Variants in RBFOX1 observed in about 807,000 individuals in gnomAD.
RBFOX1 encodes RNA binding fox-1 homolog 1.
RBFOX1 carries 8 observed loss-of-function variants against 57.7 expected under a neutral mutation model. That is an observed-to-expected ratio of 0.14 (90% CI 0.08 to 0.25). The LOEUF is 0.25. Among genes scored for constraint, RBFOX1 ranks in the 10% least tolerant of loss-of-function variants. RBFOX1 has a pLI of 1.00. For missense variants in RBFOX1, 611 were observed against 548.5 expected (o/e 1.11, Z -1.14); for synonymous variants, 326 against 222.4 (o/e 1.47, Z -4.15).
chr16:7,444,001 A>G (rs1444696022), intron 4 of RBFOX1, among the ~76,000 whole-genome samples: 2 of 152,200 alleles, frequency 1.3e-5, no homozygotes, highest in Non-Finnish European at 2.9e-5. Flanking sequence ...CACTTTGCCT[A>G]TGAAGAAATA....
chr16:5,873,444 C>T (rs1172285342), intron 4 of RBFOX1, among the ~76,000 whole-genome samples: 2 of 152,178 alleles, frequency 1.3e-5, no homozygotes, highest in Admixed American at 6.5e-5. Flanking sequence ...TAGTCATCTC[C>T]GTCCTTGAAG....
Position 7,664,941 on chromosome 16 carries a change from G to A in RBFOX1, c.903G>A (p.Gln301=). ...TGCACCCTTGCAGTGTTGTTTACCA[G>A]GATGGATTTTATGGTGCAGACATTT... ...PIPAYGGVVY[Q]DGFYGADIYG... Residue 301 remains glutamine (Q), a synonymous_variant, in exon 13 of 16, where the codon CAG becomes CAA. Transcript: ENST00000550418. The A allele has an allele frequency of 6.2e-7, 1 of 1,613,940 alleles. No individual in the cohort carries two copies. The highest frequency in any genetic ancestry group is 1.3e-5 in the African/African-American group (1 of 75,032).
intron 4 of RBFOX1, among the ~76,000 whole-genome samples, chr16:5,874,327 C>A (rs1410526136): frequency 6.6e-6 from 1 of 152,132 alleles, no homozygotes; most frequent in East Asian, 1.9e-4. Flanking sequence ...TGGAAGATGG[C>A]AGAGGCTTGG....
intron 1 of RBFOX1, chr16:6,092,921 A>G (rs1423576180): frequency 1.3e-5 from 2 of 152,080 alleles, no homozygotes; most frequent in Non-Finnish European, 2.9e-5. Context: ...TTTAATTCCT[A>G]TGGTGGGAAG....
intron 3 of RBFOX1, among the ~76,000 whole-genome samples, chr16:5,858,106 A>C (rs1056204864): frequency 3.9e-5 from 6 of 152,132 alleles, no homozygotes; most frequent in African/African-American, 2.4e-5. Context: ...TGCCAAGCTA[A>C]ATTTGGCAAG....
At chr16:5,389,440 C>G (rs1215766925) in intron 1 of RBFOX1, among the ~76,000 whole-genome samples, 1 of 151,998 alleles carries the variant, frequency 6.6e-6, no homozygotes, top group Non-Finnish European at 1.5e-5. Flanking sequence ...ATGCAAATAG[C>G]GCTTCCCACC....
chr16:6,261,960 C>G (rs991159321), intron 1 of RBFOX1, among the ~76,000 whole-genome samples: 4 of 151,804 alleles, frequency 2.6e-5, no homozygotes. Flanking sequence ...AACCCAGAGA[C>G]AAAGGATGCA....
chr16:6,788,128 A>G (rs955400613), intron 3 of RBFOX1, among the ~76,000 whole-genome samples: 1 of 152,184 alleles, frequency 6.6e-6, no homozygotes, highest in African/African-American at 2.4e-5. Flanking sequence ...AGGCTGAGGC[A>G]GGAGAACCGC....
At chr16:5,681,388 TC>T (rs2050331514) in intron 3 of RBFOX1, among the ~76,000 whole-genome samples, 1 of 147,078 alleles carries the variant, frequency 6.8e-6, no homozygotes, top group Non-Finnish European at 1.5e-5. Context: ...CCAGCTTTTT[TC>T]TTTTTTTTTT....
intron 4 of RBFOX1, among the ~76,000 whole-genome samples, chr16:5,940,537 T>C (rs575405352): frequency 1.4e-4 from 22 of 152,342 alleles, no homozygotes; most frequent in African/African-American, 5.3e-4. Flanking sequence ...GGGAGGTTTG[T>C]AGAATTTTAA....
intron 4 of RBFOX1, among the ~76,000 whole-genome samples, chr16:5,991,830 G>C (rs1192425078): frequency 1.3e-5 from 2 of 151,914 alleles, no homozygotes; most frequent in African/African-American, 4.8e-5. Flanking sequence ...GCATGTACCT[G>C]GTTGCAGGGC....
intron 4 of RBFOX1, among the ~76,000 whole-genome samples, chr16:7,189,937 C>G (rs936103506): frequency 6.6e-5 from 10 of 152,158 alleles, no homozygotes; most frequent in African/African-American, 2.4e-4. Flanking sequence ...AGAGCTTGGG[C>G]AAGACATCAA....
chr16:6,515,700 C>T (rs1322423713), intron 2 of RBFOX1, among the ~76,000 whole-genome samples: 1 of 152,148 alleles, frequency 6.6e-6, no homozygotes, highest in Non-Finnish European at 1.5e-5. Context: ...TCAAAACCCT[C>T]CCCTGCTTTG....
chr16:5,760,378 G>A lies in RBFOX1; in HGVS notation c.319-106925G>A, dbSNP rs564014926. 4.0e-5 allele frequency among the ~76,000 whole-genome samples: 6 copies of A among 149,732 alleles called. No individual in the cohort carries two copies. In the East Asian group the frequency reaches 7.8e-4, roughly 19 times the overall value. On this transcript the variant is annotated intron_variant, in intron 3 of 19. Coordinates refer to the RBFOX1 transcript ENST00000641259. Reference sequence around the variant, plus strand: ...AGCAATTTCACACACACACACACACGTATATACATATACATACACACACAC... The same window carrying A: ...AGCAATTTCACACACACACACACACATATATACATATACATACACACACAC...
At chr16:6,665,834 C>T (rs1187382729) in intron 3 of RBFOX1, among the ~76,000 whole-genome samples, 2 of 151,954 alleles carry the variant, frequency 1.3e-5, no homozygotes, top group Non-Finnish European at 2.9e-5. Flanking sequence ...CAATATTTAT[C>T]CCCATGTTAC....
intron 13 of RBFOX1, among the ~76,000 whole-genome samples, chr16:7,676,023 C>T (rs913079501): frequency 6.6e-6 from 1 of 152,276 alleles, no homozygotes; most frequent in Admixed American, 6.5e-5. Flanking sequence ...TGAACAATTG[C>T]AATTACTGGT....
chr16:5,628,351 C>G (rs1260306692), intron 3 of RBFOX1, among the ~76,000 whole-genome samples: 1 of 152,064 alleles, frequency 6.6e-6, no homozygotes, highest in Non-Finnish European at 1.5e-5. Flanking sequence ...TTTATTGCTT[C>G]TTTTTATTGG....
At chr16:7,461,585 T>C (rs1185491590) in intron 4 of RBFOX1, among the ~76,000 whole-genome samples, 1 of 152,234 alleles carries the variant, frequency 6.6e-6, no homozygotes, top group Non-Finnish European at 1.5e-5. Flanking sequence ...CATTCAGCTC[T>C]ACGCAGTATT....
chr16:5,402,946 C>A (rs1341334365), intron 1 of RBFOX1, among the ~76,000 whole-genome samples: 1 of 152,180 alleles, frequency 6.6e-6, no homozygotes, highest in Non-Finnish European at 1.5e-5. Context: ...CATTTATCAA[C>A]CTTTTGGAAT....
Sources: allele counts gnomAD v4.1 joint callset (sites outside exome capture counted in the v4.1 genomes callset), GRCh38; gene constraint gnomAD v4.1.1; transcripts MANE v1.5; gene names NCBI Gene and HGNC (gene_info 2026-07-23, HGNC 2026-07-21).